DIAPH3: variants seen among roughly 807,000 people sequenced by gnomAD.
DIAPH3 encodes protein diaphanous homolog 3.
Under a neutral mutation model 144.3 loss-of-function variants are expected in DIAPH3, and 117 were observed. The ratio of observed to expected loss-of-function variants is 0.81; its 90% CI spans 0.70 to 0.95. The LOEUF is 0.95. DIAPH3 is among the 40% of genes least tolerant of loss of function. The probability of loss-of-function intolerance (pLI) is 0.00; values close to 1 mark genes in which losing one functional copy is unlikely to be tolerated. For synonymous variants in DIAPH3, 519 were observed against 488.9 expected, an observed-to-expected ratio of 1.06 and a Z score of -0.81; for missense variants, 1,421 against 1,412.7, an observed-to-expected ratio of 1.01 and a Z score of -0.09.
intron 5 of DIAPH3, among the ~76,000 whole-genome samples, chr13:60,016,634 T>A (rs1012966663): frequency 6.6e-6 from 1 of 152,084 alleles, no homozygotes; most frequent in African/African-American, 2.4e-5. Context: ...AAAAGATTAC[T>A]GGCAAAAATT....
intron 27 of DIAPH3, among the ~76,000 whole-genome samples, chr13:59,731,666 C>A (rs574749886): frequency 3.3e-5 from 5 of 152,068 alleles, no homozygotes; most frequent in African/African-American, 4.8e-5. Context: ...GTGAGTAAAT[C>A]AACGTTGAGA....
At chr13:59,714,567 A>T (rs2138857361) in intron 27 of DIAPH3, among the ~76,000 whole-genome samples, 1 of 152,238 alleles carries the variant, frequency 6.6e-6, no homozygotes, top group African/African-American at 2.4e-5. Context: ...TCAGAAAACA[A>T]ATTTCAGGAT....
intron 24 of DIAPH3, among the ~76,000 whole-genome samples, chr13:59,811,520 T>C (rs1232625081): frequency 1.3e-5 from 2 of 151,904 alleles, no homozygotes; most frequent in South Asian, 2.1e-4. Context: ...GGGCGGATCA[T>C]AAGGTCAGTA....
Position 60,109,270 on chromosome 13 carries a change from C to G in DIAPH3, c.390+2740G>C, listed in dbSNP as rs185991290. 3.3e-3 allele frequency among the ~76,000 whole-genome samples: 501 copies of G among 152,230 alleles called. 2 individuals are homozygous for G. Among genetic ancestry groups the G allele is most frequent in the African/African-American group, 0.011 (461 of 41,532 alleles). On this transcript the variant is annotated intron_variant, in intron 3 of 27. Coordinates refer to ENST00000400324, the MANE Select transcript of DIAPH3 (RefSeq NM_001042517.2). Reference sequence around the variant, plus strand: ...CTGCCACAGAACCAGTCAAGCCGACCAGGATTTCTCACTTACAGAACTATA... The same window carrying G: ...CTGCCACAGAACCAGTCAAGCCGACGAGGATTTCTCACTTACAGAACTATA...
intron 25 of DIAPH3, among the ~76,000 whole-genome samples, chr13:59,802,916 C>T (rs958787531): frequency 1.3e-5 from 2 of 150,530 alleles, no homozygotes; most frequent in African/African-American, 4.9e-5. Context: ...GATCTCCTGA[C>T]CTCATGATCC....
chr13:60,106,281 T>C (rs1333859453), intron 3 of DIAPH3, among the ~76,000 whole-genome samples: 2 of 152,042 alleles, frequency 1.3e-5, no homozygotes, highest in African/African-American at 2.4e-5. Flanking sequence ...CAAACCCACA[T>C]GTGCACAAAC....
At chr13:59,787,022 G>A (rs1302818371) in intron 25 of DIAPH3, among the ~76,000 whole-genome samples, 3 of 152,104 alleles carry the variant, frequency 2.0e-5, no homozygotes, top group Non-Finnish European at 4.4e-5. Context: ...GATCACTCGA[G>A]CCCAGGAAGT....
At chr13:59,785,795 A>C (rs2039002244) in intron 25 of DIAPH3, among the ~76,000 whole-genome samples, 1 of 152,174 alleles carries the variant, frequency 6.6e-6, no homozygotes, top group South Asian at 2.1e-4. Flanking sequence ...CTAATAAGGC[A>C]TATATGTACA....
intron 22 of DIAPH3, among the ~76,000 whole-genome samples, chr13:59,860,880 A>G (rs958910223): frequency 1.6e-4 from 24 of 152,316 alleles, no homozygotes; most frequent in Admixed American, 1.2e-3. Context: ...TAAGCCCACA[A>G]TTGAGACTAG....
intron 27 of DIAPH3, among the ~76,000 whole-genome samples, chr13:59,761,994 C>T (rs373104907): frequency 1.3e-5 from 2 of 151,744 alleles, no homozygotes; most frequent in East Asian, 3.9e-4. Flanking sequence ...ACATAGTGTC[C>T]CCCATAGCCA....
intron 5 of DIAPH3, among the ~76,000 whole-genome samples, chr13:60,031,162 T>C (rs952698174): frequency 6.6e-6 from 1 of 152,052 alleles, no homozygotes; most frequent in Non-Finnish European, 1.5e-5. Flanking sequence ...CTTCTAATCA[T>C]GGCAGAAGGT....
rs146065074 is a variant in DIAPH3 at position 60,161,224 on chromosome 13, T to G, written c.180+2363A>C. 8.5e-5 allele frequency among the ~76,000 whole-genome samples: 13 copies of G among 152,322 alleles called. No homozygotes were observed. In the East Asian group the frequency reaches 2.3e-3, roughly 27 times the overall value. On this transcript the variant is annotated intron_variant, in intron 1 of 27. Transcript: ENST00000400324. ...AATGACTGGGTGACCTGAAAAGATT[T>G]AGGATAACGTCACTTCATCCAATCA...
intron 5 of DIAPH3, among the ~76,000 whole-genome samples, chr13:60,026,193 C>A (rs1469294945): frequency 6.6e-6 from 1 of 152,060 alleles, no homozygotes; most frequent in Non-Finnish European, 1.5e-5. Flanking sequence ...AGTTGGGTTT[C>A]TTTCCAAATC....
At chr13:59,733,305 C>T (rs2035977187) in intron 27 of DIAPH3, among the ~76,000 whole-genome samples, 1 of 152,076 alleles carries the variant, frequency 6.6e-6, no homozygotes, top group Non-Finnish European at 1.5e-5. Context: ...ATATATCTAA[C>T]CATTTCTTTT....
In DIAPH3 at chr13:59,974,480, C is replaced by A. The variant is rs772801324; in HGVS notation, c.1546-24G>T. 3.2e-6 allele frequency: 5 copies of A among 1,558,762 alleles called. No individual in the cohort carries two copies. The South Asian group carries it at 4.5e-5, about 14-fold the overall frequency. The stretch of plus-strand genomic sequence containing the variant: ...AACTGAAACAAATTAAAAATAATAA[C>A]AAAAACAGGAAGATGAAAATGAAAA... On this transcript the variant is annotated intron_variant, in intron 14 of 27. Coordinates refer to ENST00000400324, the MANE Select transcript of DIAPH3 (RefSeq NM_001042517.2).
intron 27 of DIAPH3, among the ~76,000 whole-genome samples, chr13:59,720,758 A>G (rs1049363270): frequency 5.9e-5 from 9 of 152,232 alleles, no homozygotes; most frequent in African/African-American, 2.2e-4. Context: ...AGAATTTTTG[A>G]GAAGAAGCTT....
chr13:60,108,857 T>C (rs2058490103), intron 3 of DIAPH3, among the ~76,000 whole-genome samples: 1 of 151,830 alleles, frequency 6.6e-6, no homozygotes, highest in Non-Finnish European at 1.5e-5. Context: ...AAATTAAGAG[T>C]GAAGCAGAAA....
intron 5 of DIAPH3, among the ~76,000 whole-genome samples, chr13:60,022,753 G>T (rs2054115824): frequency 6.6e-6 from 1 of 152,166 alleles, no homozygotes; most frequent in Non-Finnish European, 1.5e-5. Context: ...GCCACATTCT[G>T]CAGAGTGTTA....
chr13:59,969,885 A>G (rs1037905472), intron 17 of DIAPH3, 59 bp downstream of exon 17: 108 of 1,111,884 alleles, frequency 9.7e-5, no homozygotes, highest in Non-Finnish European at 1.3e-4. Context: ...TTGATACATA[A>G]AAAGTATATG....
Sources: gnomAD v4.1 joint callset for allele counts (sites outside exome capture counted in the v4.1 genomes callset) on GRCh38, gnomAD v4.1.1 for gene constraint, MANE v1.5 for transcripts, NCBI Gene and HGNC (gene_info 2026-07-23, HGNC 2026-07-21) for gene names.